Variants in UCHL1 observed in about 807,000 individuals in gnomAD.
The protein encoded by UCHL1 is ubiquitin C-terminal hydrolase L1, also known as ubiquitin carboxyl-terminal hydrolase isozyme L1.
A neutral mutation model predicts 33.3 loss-of-function variants in UCHL1; 5 were observed. The ratio of observed to expected loss-of-function variants is 0.15; its 90% CI spans 0.08 to 0.32. The LOEUF is 0.32. Ranked by LOEUF, UCHL1 falls within the 10% of genes least tolerant of loss-of-function variation. The pLI, the probability that UCHL1 is intolerant of heterozygous loss-of-function variation, is 1.00. For synonymous variants in UCHL1, 132 were observed against 108.8 expected (o/e 1.21, Z -1.33); for missense variants, 236 against 280.0 (o/e 0.84, Z 1.12).
intron 6 of UCHL1, 138 bp downstream of exon 6, chr4:41,262,061 A>G: frequency 7.9e-7 from 1 of 1,260,392 alleles, no homozygotes; most frequent in Non-Finnish European, 1.1e-6. Flanking sequence ...TTCTACCCAA[A>G]TAATGCTTTG....
chr4:41,260,511 G>A, intron 3 of UCHL1, 136 bp from the exon 4 acceptor site: 1 of 1,102,652 alleles, frequency 9.1e-7, no homozygotes, highest in South Asian at 1.4e-5. Flanking sequence ...TTCTCTGGGA[G>A]TCAGCCAACA....
intron 8 of UCHL1, among the ~76,000 whole-genome samples, chr4:41,265,756 A>C (rs1205202640): frequency 6.6e-6 from 1 of 152,182 alleles, no homozygotes; most frequent in Non-Finnish European, 1.5e-5. Context: ...GATTTCTCTC[A>C]TCTGTCAGAC....
In UCHL1 at chr4:41,256,964, G is replaced by A. The variant is rs756428586; in HGVS notation, c.-13G>A. The A allele has an allele frequency of 5.0e-6, 8 of 1,614,036 alleles. No individual in the cohort carries two copies. Among genetic ancestry groups the A allele is most frequent in the Non-Finnish European group, 6.8e-6 (8 of 1,180,022 alleles). On this transcript the variant is annotated 5_prime_UTR_variant, in exon 1 of 9. Coordinates refer to ENST00000284440, the MANE Select transcript of UCHL1 (RefSeq NM_004181.5). ...GTCTTCCCTAGGCTATTTCTGCCGG[G>A]CGCTCCGCGAAGATGCAGCTCAAGC...
At chr4:41,263,863 C>T (rs1781112323) in intron 7 of UCHL1, among the ~76,000 whole-genome samples, 2 of 152,218 alleles carry the variant, frequency 1.3e-5, no homozygotes. Context: ...GCACAGGCCC[C>T]TCTATTAGGG....
rs1357283237 is a variant in UCHL1, at chr4:41,263,269, G to A, written c.504G>A (p.Val168=). 3 of 1,614,052 alleles carry A rather than the reference G, an allele frequency of 1.9e-6. No individual in the cohort carries two copies. The highest frequency in any genetic ancestry group is 3.3e-5 in the Admixed American group (2 of 60,016). ...TCCATTTTATTCTGTTTAACAACGT[G>A]GATGGCCACCTCTATGAACTTGGTA... The part of the protein sequence containing the change: ...VNFHFILFNN[V]DGHLYELDGR... The change falls in exon 7 of 9, where the codon GTG becomes GTA. Residue 168 remains valine (V), a synonymous_variant. Transcript: ENST00000284440.
chr4:41,261,929 T>G lies in UCHL1; in HGVS notation c.459+6T>G. 1 of 1,614,058 alleles carries G rather than the reference T, an allele frequency of 6.2e-7. No individual in the cohort carries two copies. The highest frequency in any genetic ancestry group is 8.5e-7 in the Non-Finnish European group (1 of 1,180,012). Reference sequence around the variant, plus strand: ...CACAGGAAGGCCAATGTCGGGTAAATGCAAATACAAATCGGAGCCAGGCTG... The same window carrying G: ...CACAGGAAGGCCAATGTCGGGTAAAGGCAAATACAAATCGGAGCCAGGCTG... On this transcript the variant is annotated splice_donor_region_variant and intron_variant, in intron 6 of 8. Transcript: ENST00000284440.
intron 8 of UCHL1, among the ~76,000 whole-genome samples, chr4:41,265,135 C>T (rs942422790): frequency 5.9e-5 from 9 of 152,206 alleles, no homozygotes; most frequent in African/African-American, 2.2e-4. Flanking sequence ...ACTGACCCCT[C>T]TTCTTAGGTG....
intron 8 of UCHL1, 127 bp from the exon 9 acceptor site, chr4:41,267,860 A>G: frequency 2.3e-6 from 2 of 876,862 alleles, no homozygotes; most frequent in Non-Finnish European, 3.7e-6. Flanking sequence ...CTGGTTTTCA[A>G]ATTAATGATG....
At chr4:41,259,772 C>T (rs989262953) in intron 3 of UCHL1, among the ~76,000 whole-genome samples, 1 of 152,114 alleles carries the variant, frequency 6.6e-6, no homozygotes, top group Admixed American at 6.5e-5. Flanking sequence ...TCAAGTGATC[C>T]TCCTGCCTCA....
At position 41,268,322 on chromosome 4, in the gene UCHL1, A is replaced by T. The variant is rs1303671638; in HGVS notation, c.*249A>T. Reference sequence around the variant, plus strand: ...CCCCAGTGTATGTCTTGTATCCGATATCTAACGCTTTAAATGGCTACTTTG... The same window carrying T: ...CCCCAGTGTATGTCTTGTATCCGATTTCTAACGCTTTAAATGGCTACTTTG... On this transcript the variant is annotated 3_prime_UTR_variant, in exon 9 of 9. Transcript: ENST00000284440. 4 of 555,954 alleles carry T rather than the reference A, an allele frequency of 7.2e-6. No individual in the cohort carries two copies. Among genetic ancestry groups the T allele is most frequent in the Non-Finnish European group, 1.3e-5 (4 of 312,188 alleles). 34.4% of individuals were successfully genotyped at this position (555,954 alleles called of 1,614,324 possible).
At chr4:41,266,276 A>T (rs1327130503) in intron 8 of UCHL1, among the ~76,000 whole-genome samples, 1 of 150,650 alleles carries the variant, frequency 6.6e-6, no homozygotes, top group Non-Finnish European at 1.5e-5. Context: ...CTTATTTAAA[A>T]TTAAAAGAGT....
At chr4:41,260,530 C>G in intron 3 of UCHL1, 117 bp from the exon 4 acceptor site, 2 of 1,300,974 alleles carry the variant, frequency 1.5e-6, no homozygotes, top group Non-Finnish European at 1.1e-6. Flanking sequence ...CATCTAGAAC[C>G]AGGGGTTCTG....
intron 8 of UCHL1, among the ~76,000 whole-genome samples, chr4:41,267,344 C>G (rs538465123): frequency 6.6e-6 from 1 of 152,116 alleles, no homozygotes. Context: ...CCTGGGTTCA[C>G]GCCATTCTCC....
At position 41,257,606 on chromosome 4, in the gene UCHL1, C is replaced by T. The variant is rs1216556332; in HGVS notation, c.46-3C>T. 2 of 1,539,256 alleles carry T rather than the reference C, an allele frequency of 1.3e-6. No homozygotes were observed. The highest frequency in any genetic ancestry group is 1.7e-6 in the Non-Finnish European group (2 of 1,149,490). ...GCCTGGCCGCCTTGTCTCCTCTCCG[C>T]AGGTGCTGTCCCGGCTGGGGGTCGC... On this transcript the variant is annotated splice_region_variant and splice_polypyrimidine_tract_variant and intron_variant, in intron 2 of 8. Coordinates refer to ENST00000284440, the MANE Select transcript of UCHL1 (RefSeq NM_004181.5).
At chr4:41,258,514 A>T (rs934772825) in intron 3 of UCHL1, among the ~76,000 whole-genome samples, 2 of 151,390 alleles carry the variant, frequency 1.3e-5, no homozygotes, top group Admixed American at 6.6e-5. Context: ...TTTTTTTTTT[A>T]AAGGATAGCT....
In UCHL1 at chr4:41,261,916, A is replaced by C; in HGVS notation, c.452A>C (p.Gln151Pro). ...AAHDAVAQEG[Q>P]CRVDDKVNFH... ...CATGATGCCGTGGCACAGGAAGGCC[A>C]ATGTCGGGTAAATGCAAATACAAAT... is the stretch of plus-strand genomic sequence containing the variant. The change falls in exon 6 of 9, where the codon CAA becomes CCA. Residue 151 changes from glutamine (Q) to proline (P), a missense_variant. By Grantham distance (76) the Gln-to-Pro change is moderately conservative (BLOSUM62 -1). Transcript: ENST00000284440. 6.2e-7 allele frequency: 1 copy of C among 1,614,144 alleles called. No individual in the cohort carries two copies. Among genetic ancestry groups the C allele is most frequent in the Non-Finnish European group, 8.5e-7 (1 of 1,180,030 alleles).
At chr4:41,266,794 A>AT (rs940258915) in intron 8 of UCHL1, among the ~76,000 whole-genome samples, 2 of 152,004 alleles carry the variant, frequency 1.3e-5, no homozygotes, top group Non-Finnish European at 2.9e-5. Context: ...TAATTTTTAA[A>AT]TTTTTAGTAG....
chr4:41,266,816 A>G (rs928263258), intron 8 of UCHL1, among the ~76,000 whole-genome samples: 2 of 152,148 alleles, frequency 1.3e-5, no homozygotes, highest in Non-Finnish European at 2.9e-5. Context: ...GATTTTGCCC[A>G]GGCTGGTCTT....
chr4:41,260,315 G>A (rs183792776), intron 3 of UCHL1, among the ~76,000 whole-genome samples: 67 of 152,352 alleles, frequency 4.4e-4, no homozygotes, highest in African/African-American at 1.5e-3. Flanking sequence ...AGAAAATAAT[G>A]AATTGGTTTC....
Sources: allele counts gnomAD v4.1 joint callset (sites outside exome capture counted in the v4.1 genomes callset), GRCh38; gene constraint gnomAD v4.1.1; transcripts MANE v1.5; gene names NCBI Gene and HGNC (gene_info 2026-07-23, HGNC 2026-07-21).